CCDC7: variants seen among roughly 807,000 people sequenced by gnomAD.
The protein encoded by CCDC7 is coiled-coil domain containing 7, also known as coiled-coil domain-containing protein 7.
CCDC7 carries 183 observed loss-of-function variants against 196.9 expected under a neutral mutation model. The ratio of observed to expected loss-of-function variants is 0.93; its 90% confidence interval spans 0.82 to 1.05. The LOEUF (loss-of-function observed/expected upper bound fraction) is 1.05. Ranked by LOEUF, CCDC7 falls within the 50% of genes least tolerant of loss-of-function variation. The pLI, the probability that CCDC7 is intolerant of heterozygous loss-of-function variation, is 0.00. For synonymous variants in CCDC7, 525 were observed against 484.6 expected, an observed-to-expected ratio of 1.08 and a Z score of -1.10; for missense variants, 1,540 against 1,482.2, an observed-to-expected ratio of 1.04 and a Z score of -0.64.
In CCDC7 at chr10:32,610,014, G is replaced by T. The variant is rs186406566; in HGVS notation, c.1802-24240G>T. ...GTGAGATAGCATGATTTTTTTTTGC[G>T]TATGTGTATGTATGAGTGTGTGTGT... On this transcript the variant is annotated intron_variant, in intron 18 of 41. Coordinates refer to ENST00000639629, the Ensembl canonical transcript of CCDC7. Among the ~76,000 whole-genome samples, 4 of 146,114 alleles carry T rather than the reference G, an allele frequency of 2.7e-5. No homozygotes were observed. In the South Asian group the frequency reaches 8.7e-4, roughly 32 times the overall value.
At chr10:32,820,010 A>G (rs2089823269) in intron 31 of CCDC7, among the ~76,000 whole-genome samples, 1 of 152,192 alleles carries the variant, frequency 6.6e-6, no homozygotes, top group Non-Finnish European at 1.5e-5. Flanking sequence ...CAATTAGGAA[A>G]AGAGGAAGTC....
At chr10:32,475,395 G>A (rs2038786034) in intron 8 of CCDC7, among the ~76,000 whole-genome samples, 1 of 152,086 alleles carries the variant, frequency 6.6e-6, no homozygotes, top group African/African-American at 2.4e-5. Context: ...GTATTTAAGT[G>A]GTTTAAAGTA....
chr10:32,636,646 G>A (rs1365852301), intron 20 of CCDC7, among the ~76,000 whole-genome samples: 3 of 152,178 alleles, frequency 2.0e-5, no homozygotes, highest in African/African-American at 7.2e-5. Context: ...CATTTGGGTT[G>A]GTTCCAAGTC....
At chr10:32,692,374 A>C (rs1339418039) in intron 23 of CCDC7, among the ~76,000 whole-genome samples, 1 of 152,248 alleles carries the variant, frequency 6.6e-6, no homozygotes, top group Non-Finnish European at 1.5e-5. Context: ...TAAAGAGACT[A>C]TTGTTCCATG....
intron 28 of CCDC7, among the ~76,000 whole-genome samples, chr10:32,767,782 A>G (rs1314428315): frequency 6.6e-6 from 1 of 152,194 alleles, no homozygotes; most frequent in East Asian, 1.9e-4. Flanking sequence ...AGGCATCAGT[A>G]ACCAGTTCTG....
At chr10:32,619,712 C>T (rs554141780) in intron 18 of CCDC7, among the ~76,000 whole-genome samples, 1 of 152,182 alleles carries the variant, frequency 6.6e-6, no homozygotes, top group Admixed American at 6.5e-5. Flanking sequence ...CCTGCTTCAG[C>T]CTCCTGAGCA....
At chr10:32,861,709 T>C (rs1031289574) in intron 41 of CCDC7, among the ~76,000 whole-genome samples, 9 of 94,662 alleles carry the variant, frequency 9.5e-5, no homozygotes, top group African/African-American at 2.6e-4. Flanking sequence ...ACCAAGAACT[T>C]AAACAAATTT....
chr10:32,819,862 C>T (rs1174281014), intron 31 of CCDC7, among the ~76,000 whole-genome samples: 2 of 152,168 alleles, frequency 1.3e-5, no homozygotes, highest in East Asian at 1.9e-4. Flanking sequence ...CAATATCATA[C>T]TGAATGGGCA....
intron 5 of CCDC7, 80 bp downstream of exon 6, chr10:32,463,129 G>A: frequency 1.3e-6 from 2 of 1,533,256 alleles, no homozygotes; most frequent in South Asian, 1.2e-5. Flanking sequence ...TATAAGTTAA[G>A]TATGTATAAG....
At chr10:32,677,589 A>G (rs1394718452) in intron 21 of CCDC7, among the ~76,000 whole-genome samples, 2 of 151,580 alleles carry the variant, frequency 1.3e-5, no homozygotes, top group Non-Finnish European at 2.9e-5. Context: ...AAGCTTATTG[A>G]TAGTTTTATG....
chr10:32,687,624 T>C (rs2076606982), intron 22 of CCDC7, among the ~76,000 whole-genome samples: 1 of 152,208 alleles, frequency 6.6e-6, no homozygotes, highest in Non-Finnish European at 1.5e-5. Flanking sequence ...ATTGGTAAAC[T>C]AGTATTCAAA....
chr10:32,599,393 G>A (rs2060759993), intron 18 of CCDC7, among the ~76,000 whole-genome samples: 1 of 152,054 alleles, frequency 6.6e-6, no homozygotes. Flanking sequence ...CTTTAGACTG[G>A]AGGTTTAATC....
chr10:32,801,886 A>C (rs546809003), intron 29 of CCDC7, among the ~76,000 whole-genome samples: 34 of 152,284 alleles, frequency 2.2e-4, no homozygotes, highest in African/African-American at 8.2e-4. Flanking sequence ...TCCGCCCAAA[A>C]AGTCTCATCA....
chr10:32,670,765 A>AT (rs1326525110), intron 21 of CCDC7, among the ~76,000 whole-genome samples: 2 of 151,506 alleles, frequency 1.3e-5, no homozygotes, highest in Non-Finnish European at 2.9e-5. Flanking sequence ...GATCTTTTCT[A>AT]TTGTTTTTTT....
intron 32 of CCDC7, among the ~76,000 whole-genome samples, chr10:32,830,339 G>T (rs2092030770): frequency 6.7e-6 from 1 of 150,206 alleles, no homozygotes; most frequent in African/African-American, 2.4e-5. Context: ...ATGGAGGTTT[G>T]CTATCTAAAA....
At chr10:32,645,423 T>A (rs2067588654) in intron 20 of CCDC7, among the ~76,000 whole-genome samples, 1 of 152,136 alleles carries the variant, frequency 6.6e-6, no homozygotes, top group East Asian at 1.9e-4. Flanking sequence ...ATTTGGTTTG[T>A]TAGTCTTTTG....
chr10:32,761,936 A>T (rs960138204), intron 28 of CCDC7, among the ~76,000 whole-genome samples: 1 of 151,966 alleles, frequency 6.6e-6, no homozygotes, highest in African/African-American at 2.4e-5. Flanking sequence ...TCTCCCACAG[A>T]TGCAGAGAAT....
chr10:32,715,886 G>A (rs1342503241), intron 25 of CCDC7, among the ~76,000 whole-genome samples: 1 of 152,160 alleles, frequency 6.6e-6, no homozygotes, highest in Non-Finnish European at 1.5e-5. Context: ...AAGCCTCTAA[G>A]ATATATGGGA....
At chr10:32,713,151 G>A (rs1031549608) in intron 25 of CCDC7, among the ~76,000 whole-genome samples, 2 of 152,198 alleles carry the variant, frequency 1.3e-5, no homozygotes, top group African/African-American at 4.8e-5. Flanking sequence ...TTCAGTAGTA[G>A]AGGCCATGAC....
Sources: gnomAD v4.1 joint callset for allele counts (sites outside exome capture counted in the v4.1 genomes callset) on GRCh38, gnomAD v4.1.1 for gene constraint, MANE v1.5 for transcripts, NCBI Gene and HGNC (gene_info 2026-07-23, HGNC 2026-07-21) for gene names.